GLYATL2: variants seen among roughly 807,000 people sequenced by gnomAD.
GLYATL2 encodes glycine N-acyltransferase-like protein 2.
In GLYATL2, 25 loss-of-function variants were observed where a neutral mutation model predicts 21.4. That is an observed-to-expected ratio of 1.17 (90% confidence interval 0.85 to 1.63). The LOEUF is 1.63. GLYATL2 is among the 40% of genes most tolerant of loss of function. The probability of loss-of-function intolerance (pLI) is 0.00; values close to 1 mark genes in which losing one functional copy is unlikely to be tolerated. For missense variants in GLYATL2, 361 were observed against 343.3 expected (o/e 1.05, Z -0.41); for synonymous variants, 114 against 118.2 (o/e 0.96, Z 0.23).
chr11:58,882,504 T>C, intron 1 of GLYATL2, among the ~76,000 whole-genome samples: 1 of 152,232 alleles, frequency 6.6e-6, no homozygotes, highest in Non-Finnish European at 1.5e-5. Context: ...ATGGGTAGAT[T>C]GCAAAAATTT....
chr11:58,874,343 T>C (rs1037287967), intron 1 of GLYATL2, among the ~76,000 whole-genome samples: 1 of 152,234 alleles, frequency 6.6e-6, no homozygotes, highest in Admixed American at 6.5e-5. Flanking sequence ...TTTGAATGTG[T>C]TTGCTTTTGC....
upstream of GLYATL2, chr11:58,908,441 T>C (rs188135039): frequency 1.7e-5 from 3 of 176,848 alleles, no homozygotes; most frequent in Admixed American, 1.6e-4. Flanking sequence ...CTAGTAGAAG[T>C]TAGTTATATT....
chr11:58,843,531 T>C (rs1853590091), intron 1 of GLYATL2, among the ~76,000 whole-genome samples: 1 of 151,952 alleles, frequency 6.6e-6, no homozygotes, highest in African/African-American at 2.4e-5. Context: ...TCAGGGCTGG[T>C]GTAGCAAAAA....
intron 1 of GLYATL2, among the ~76,000 whole-genome samples, chr11:58,874,274 G>T (rs923072204): frequency 1.9e-4 from 29 of 151,960 alleles, no homozygotes; most frequent in African/African-American, 7.0e-4. Context: ...AAGGCTTTTT[G>T]TGTCTCTATT....
intron 1 of GLYATL2, among the ~76,000 whole-genome samples, chr11:58,880,079 C>G (rs1242176301): frequency 6.6e-6 from 1 of 152,040 alleles, no homozygotes; most frequent in Non-Finnish European, 1.5e-5. Flanking sequence ...AGGATAGTCT[C>G]GATCTCCTGA....
intron 1 of GLYATL2, among the ~76,000 whole-genome samples, chr11:58,895,191 C>T (rs1331294168): frequency 1.3e-5 from 2 of 152,122 alleles, no homozygotes; most frequent in African/African-American, 4.8e-5. Flanking sequence ...ATTCCCAAAC[C>T]TTAACATGCA....
intron 1 of GLYATL2, among the ~76,000 whole-genome samples, chr11:58,850,572 C>G (rs1223221099): frequency 6.6e-6 from 1 of 151,690 alleles, no homozygotes; most frequent in Admixed American, 6.6e-5. Flanking sequence ...TGAGAAGTGA[C>G]CAGAAGACGA....
intron 1 of GLYATL2, among the ~76,000 whole-genome samples, chr11:58,856,060 G>A (rs556325527): frequency 1.3e-5 from 2 of 152,240 alleles, no homozygotes; most frequent in South Asian, 4.1e-4. Flanking sequence ...GAGCCCAGGA[G>A]GCACAGGTTG....
chr11:58,847,561 A>T (rs1395570609), upstream of GLYATL2, among the ~76,000 whole-genome samples: 1 of 152,206 alleles, frequency 6.6e-6, no homozygotes, highest in African/African-American at 2.4e-5. Flanking sequence ...GTAGTCTGGC[A>T]ACCAGTGGGT....
rs1853390990 is a variant in GLYATL2, at chr11:58,834,563, G to A, written c.751C>T (p.Gln251Ter). Residue 251 changes from glutamine (Q) to a stop codon, truncating the protein, a stop_gained, in exon 6 of 6, where the codon CAG (glutamine) becomes TAG (stop). Transcript: ENST00000287275. LOFTEE classifies it low-confidence loss of function (END_TRUNC). ...TGGAAATAAAATGGGATTTCTTTCT[G>A]AGAAAGATACTTTTCAAGATGATAA... Reference protein sequence around the residue: ...IGYHLEKYLSQKEIPFYFHVA... With the variant: ...IGYHLEKYLS 6.2e-7 allele frequency: 1 copy of A among 1,613,614 alleles called. No individual in the cohort carries two copies. The highest frequency in any genetic ancestry group is 1.3e-5 in the African/African-American group (1 of 74,866).
chr11:58,882,913 T>A (rs1854366712), intron 1 of GLYATL2, among the ~76,000 whole-genome samples: 1 of 152,200 alleles, frequency 6.6e-6, no homozygotes, highest in Non-Finnish European at 1.5e-5. Flanking sequence ...TCTGTTCCAT[T>A]GGTCTATATC....
chr11:58,887,383 G>C (rs58233629), intron 1 of GLYATL2, among the ~76,000 whole-genome samples: 35,673 of 151,882 alleles, frequency 0.23, 4,568 homozygotes, highest in East Asian at 0.33. Flanking sequence ...TTTCAGGGTG[G>C]GATGCAGGAG....
At position 58,865,833 on chromosome 11, in the gene GLYATL2, A is replaced by G. The variant is rs149093432; in HGVS notation, n.61-27465T>C. Among the ~76,000 whole-genome samples, 458 of 149,238 alleles carry G rather than the reference A, an allele frequency of 3.1e-3. 38 individuals are homozygous for G. The highest frequency in any genetic ancestry group is 3.9e-3 in the Non-Finnish European group (263 of 67,188). ...TGAAAGCTAAATTTGGGGTAGAAAAATGGTGAACAAAAGATGAAAGAAAGA... is the reference window on the plus strand; with the variant it reads ...TGAAAGCTAAATTTGGGGTAGAAAAGTGGTGAACAAAAGATGAAAGAAAGA... On this transcript the variant is annotated intron_variant and non_coding_transcript_variant, in intron 1 of 4. Coordinates refer to the GLYATL2 transcript ENST00000533636.
At chr11:58,873,136 G>C (rs559169) in intron 1 of GLYATL2, among the ~76,000 whole-genome samples, 131,329 of 149,670 alleles carry the variant, frequency 0.88, 59,070 homozygotes, top group Non-Finnish European at 0.98. Context: ...CATTGATTTT[G>C]TATCCTGAGA....
chr11:58,865,455 A>T lies in GLYATL2; in HGVS notation n.61-27087T>A, dbSNP rs539822796. Among the ~76,000 whole-genome samples, 29 of 149,296 alleles carry T rather than the reference A, an allele frequency of 1.9e-4. 1 individual carries two copies. The highest frequency in any genetic ancestry group is 6.8e-4 in the African/African-American group (28 of 41,438). On this transcript the variant is annotated intron_variant and non_coding_transcript_variant, in intron 1 of 4. Transcript: ENST00000533636. The stretch of plus-strand genomic sequence containing the variant: ...TGTAAACTAATTCAACTAAAGCCTC[A>T]AGAGGAAGAGACTCATGGTGAGATA...
chr11:58,905,920 C>T (rs757212762), upstream of GLYATL2, among the ~76,000 whole-genome samples: 2 of 152,218 alleles, frequency 1.3e-5, no homozygotes, highest in Non-Finnish European at 2.9e-5. Flanking sequence ...TGAGAGAAAA[C>T]AGCCTCCAGA....
In GLYATL2 at chr11:58,868,499, C is replaced by T. The variant is rs530426461; in HGVS notation, n.61-30131G>A. 1.0e-3 allele frequency among the ~76,000 whole-genome samples: 149 copies of T among 149,022 alleles called. 2 individuals are homozygous for T. The highest frequency in any genetic ancestry group is 3.4e-3 in the African/African-American group (139 of 41,344). On this transcript the variant is annotated intron_variant and non_coding_transcript_variant, in intron 1 of 4. Transcript: ENST00000533636. Reference sequence around the variant, plus strand: ...TTGGTCAGGGAGATGGATTTGAGACCGAACTTGCATCTCCTATGCTACAGC... The same window carrying T: ...TTGGTCAGGGAGATGGATTTGAGACTGAACTTGCATCTCCTATGCTACAGC...
chr11:58,874,828 A>G (rs1324018346), intron 1 of GLYATL2, among the ~76,000 whole-genome samples: 1 of 152,104 alleles, frequency 6.6e-6, no homozygotes, highest in Non-Finnish European at 1.5e-5. Context: ...AGCTGAGTTC[A>G]ATTCCTGGGT....
At chr11:58,894,073 T>C (rs1022626209) in intron 1 of GLYATL2, among the ~76,000 whole-genome samples, 2 of 152,156 alleles carry the variant, frequency 1.3e-5, no homozygotes, top group Admixed American at 6.5e-5. Flanking sequence ...AAATGACACT[T>C]GTTGTGCCTC....
Sources: allele counts gnomAD v4.1 joint callset (sites outside exome capture counted in the v4.1 genomes callset), GRCh38; gene constraint gnomAD v4.1.1; transcripts MANE v1.5; gene names NCBI Gene and HGNC (gene_info 2026-07-23, HGNC 2026-07-21).